RGS7: variants seen among roughly 807,000 people sequenced by gnomAD.
RGS7 encodes the protein regulator of G protein signaling 7.
In RGS7, 27 loss-of-function variants were observed where a neutral mutation model predicts 81.1. The ratio of observed to expected loss-of-function variants is 0.33; its 90% CI spans 0.25 to 0.46. The LOEUF is 0.46. Among genes scored for constraint, RGS7 ranks in the 20% least tolerant of loss-of-function variants. RGS7 has a pLI of 1.00. For synonymous variants in RGS7, 208 were observed against 207.7 expected (o/e 1.00, Z -0.01); for missense variants, 396 against 607.4 (o/e 0.65, Z 3.66).
intron 9 of RGS7, among the ~76,000 whole-genome samples, chr1:240,844,049 C>A (rs1024953158): frequency 6.6e-6 from 1 of 152,140 alleles, no homozygotes; most frequent in African/African-American, 2.4e-5. Context: ...TGTTTGTACA[C>A]ATTTTAAATC....
At chr1:241,232,265 C>T (rs1170114390) in intron 2 of RGS7, among the ~76,000 whole-genome samples, 2 of 152,020 alleles carry the variant, frequency 1.3e-5, no homozygotes, top group Non-Finnish European at 2.9e-5. Context: ...TAGCTCACTG[C>T]ACCCTTGGAC....
intron 3 of RGS7, among the ~76,000 whole-genome samples, chr1:241,077,660 C>G (rs535987328): frequency 6.6e-6 from 1 of 152,332 alleles, no homozygotes; most frequent in African/African-American, 2.4e-5. Context: ...TCTGTTTTCA[C>G]ACTGTTATCC....
chr1:241,243,852 C>T (rs1358540244), intron 2 of RGS7, among the ~76,000 whole-genome samples: 7 of 152,160 alleles, frequency 4.6e-5, no homozygotes, highest in Admixed American at 4.6e-4. Context: ...GAAGTAAACA[C>T]TTGATTTTGC....
intron 2 of RGS7, among the ~76,000 whole-genome samples, chr1:241,325,998 C>G (rs2081472769): frequency 6.6e-6 from 1 of 152,118 alleles, no homozygotes; most frequent in South Asian, 2.1e-4. Context: ...ACAGAGTGAT[C>G]GGATCTACTG....
At chr1:240,881,511 G>A (rs541397091) in intron 6 of RGS7, among the ~76,000 whole-genome samples, 245 of 152,244 alleles carry the variant, frequency 1.6e-3, no homozygotes, top group African/African-American at 5.5e-3. Context: ...ATAAAAAAAA[G>A]CAGGGTTTTC....
At chr1:241,222,529 T>C (rs770999644) in intron 2 of RGS7, among the ~76,000 whole-genome samples, 30 of 152,178 alleles carry the variant, frequency 2.0e-4, no homozygotes, top group Admixed American at 6.5e-5. Flanking sequence ...TCTGGATGAA[T>C]GGTATGATTT....
intron 11 of RGS7, among the ~76,000 whole-genome samples, chr1:240,815,829 C>A (rs535520478): frequency 6.6e-6 from 1 of 152,254 alleles, no homozygotes; most frequent in Admixed American, 6.5e-5. Flanking sequence ...AGCATGACTC[C>A]ATGGCTGTAC....
intron 3 of RGS7, among the ~76,000 whole-genome samples, chr1:241,031,649 A>G (rs900507760): frequency 1.3e-5 from 2 of 151,792 alleles, no homozygotes; most frequent in Non-Finnish European, 2.9e-5. Context: ...TATTTTTTTG[A>G]CTTTTTATAA....
At chr1:241,210,661 AT>A (rs1319837258) in intron 2 of RGS7, among the ~76,000 whole-genome samples, 6 of 152,216 alleles carry the variant, frequency 3.9e-5, no homozygotes, top group Non-Finnish European at 7.3e-5. Flanking sequence ...AATATTTACT[AT>A]GACTTTCCCA....
At chr1:241,305,796 A>G in intron 2 of RGS7, 1 of 270,742 alleles carries the variant, frequency 3.7e-6, no homozygotes, top group Non-Finnish European at 7.2e-6. Flanking sequence ...GTGTTTGCTG[A>G]GGCGCCCGCT....
chr1:241,303,100 G>A (rs915721338), intron 2 of RGS7, among the ~76,000 whole-genome samples: 3 of 152,092 alleles, frequency 2.0e-5, no homozygotes, highest in African/African-American at 4.8e-5. Flanking sequence ...TAATAAAATT[G>A]TTAATTCTTT....
chr1:241,055,595 AG>A (rs1388091477), intron 3 of RGS7, among the ~76,000 whole-genome samples: 1 of 152,248 alleles, frequency 6.6e-6, no homozygotes, highest in Non-Finnish European at 1.5e-5. Flanking sequence ...AGGGTGAGAC[AG>A]GCAGGAAGGG....
chr1:240,865,782 TC>T (rs1339608957), intron 9 of RGS7, among the ~76,000 whole-genome samples: 1 of 152,208 alleles, frequency 6.6e-6, no homozygotes, highest in Non-Finnish European at 1.5e-5. Context: ...TGCCACTTTT[TC>T]TTGAGGGGGC....
chr1:241,161,982 G>A (rs1425421960), intron 2 of RGS7, among the ~76,000 whole-genome samples: 1 of 152,096 alleles, frequency 6.6e-6, no homozygotes, highest in East Asian at 1.9e-4. Flanking sequence ...CTCCCAAAGT[G>A]CTGGGATTAC....
chr1:240,800,538 A>C (rs1000569014), intron 18 of RGS7, 103 bp downstream of exon 18: 4 of 549,908 alleles, frequency 7.3e-6, no homozygotes, highest in Non-Finnish European at 1.2e-5. Flanking sequence ...ACTGGCCATC[A>C]CAGCAAAAGC....
intron 2 of RGS7, among the ~76,000 whole-genome samples, chr1:241,109,668 A>G (rs2065373518): frequency 6.6e-6 from 1 of 152,086 alleles, no homozygotes; most frequent in African/African-American, 2.4e-5. Flanking sequence ...GAAATAATTA[A>G]GAATTCTGGC....
intron 2 of RGS7, among the ~76,000 whole-genome samples, chr1:241,308,304 G>A (rs2080295853): frequency 6.6e-6 from 1 of 152,082 alleles, no homozygotes; most frequent in African/African-American, 2.4e-5. Flanking sequence ...ATTACGTTTT[G>A]GTATTTAGCC....
In RGS7 at chr1:240,844,482, A is replaced by T. The variant is rs1658697967; in HGVS notation, c.610-17310T>A. ...GAAATCTGGGCTCATGATTTTGAAA[A>T]GTCGCCAATCCACAAGGGATAAAAG... On this transcript the variant is annotated intron_variant, in intron 9 of 18. Transcript: ENST00000440928. Among the ~76,000 whole-genome samples, 4 of 152,348 alleles carry T rather than the reference A, an allele frequency of 2.6e-5. No individual in the cohort carries two copies. The South Asian group carries it at 8.3e-4, about 32-fold the overall frequency.
intron 2 of RGS7, among the ~76,000 whole-genome samples, chr1:241,104,003 G>A (rs914648646): frequency 1.3e-5 from 2 of 152,218 alleles, no homozygotes; most frequent in African/African-American, 2.4e-5. Flanking sequence ...TTAGACCTGA[G>A]TTTGAATCCT....
Sources: gnomAD v4.1 joint callset for allele counts (sites outside exome capture counted in the v4.1 genomes callset) on GRCh38, gnomAD v4.1.1 for gene constraint, MANE v1.5 for transcripts, NCBI Gene and HGNC (gene_info 2026-07-23, HGNC 2026-07-21) for gene names.